Variants in LRP1B observed in about 807,000 individuals in gnomAD.
The protein encoded by LRP1B is LDL receptor related protein 1B, also known as low-density lipoprotein receptor-related protein 1B.
In LRP1B, 217 loss-of-function variants were observed where a neutral mutation model predicts 556.6. The observed-to-expected ratio is 0.39, with a 90% CI of 0.35 to 0.44. The LOEUF (loss-of-function observed/expected upper bound fraction) is 0.44. LRP1B is among the 20% of genes least tolerant of loss of function. LRP1B has a pLI of 1.00. For missense variants in LRP1B, 5,053 were observed against 5,620.8 expected (o/e 0.90, Z 3.23); for synonymous variants, 2,047 against 1,865.8 (o/e 1.10, Z -2.50).
chr2:141,962,128 A>G (rs1701418888), intron 1 of LRP1B, among the ~76,000 whole-genome samples: 1 of 151,746 alleles, frequency 6.6e-6, no homozygotes, highest in African/African-American at 2.4e-5. Context: ...CATATGGTTC[A>G]GCCTAATTGT....
At chr2:141,329,655 A>AAAACAAAACAAAAC (rs769816988) in intron 3 of LRP1B, among the ~76,000 whole-genome samples, 62,080 of 137,826 alleles carry the variant, frequency 0.45, 15,145 homozygotes, top group Non-Finnish European at 0.54. Flanking sequence ...AAAAAAAAAA[A>AAAACAAAACAAAAC]AAAAAAAAAA....
At chr2:141,143,020 C>A (rs540923299) in intron 7 of LRP1B, among the ~76,000 whole-genome samples, 1 of 148,924 alleles carries the variant, frequency 6.7e-6, no homozygotes, top group East Asian at 2.0e-4. Context: ...CCTCCGCCTT[C>A]CAGGTTCAAA....
chr2:141,113,661 T>C (rs1353843553), intron 7 of LRP1B, among the ~76,000 whole-genome samples: 1 of 152,126 alleles, frequency 6.6e-6, no homozygotes, highest in African/African-American at 2.4e-5. Flanking sequence ...CTAAAATGTA[T>C]GGAAAGATGG....
rs778792014 is a variant in LRP1B, at chr2:141,247,372, C to T, written c.464-18G>A. ...ATCTTGATCTAAAAAGGAAAATTGG[C>T]ATCATTTCTAAGCAGCTTTATCTTG... On this transcript the variant is annotated intron_variant, in intron 4 of 90. Transcript: ENST00000389484. 1.9e-6 allele frequency: 3 copies of T among 1,612,302 alleles called. No homozygotes were observed. Among genetic ancestry groups the T allele is most frequent in the South Asian group, 1.1e-5 (1 of 90,958 alleles).
At chr2:141,938,372 T>C (rs984969733) in intron 1 of LRP1B, among the ~76,000 whole-genome samples, 4 of 152,078 alleles carry the variant, frequency 2.6e-5, no homozygotes, top group Non-Finnish European at 5.9e-5. Flanking sequence ...TCACTAACCA[T>C]CAGAGAAATG....
chr2:141,266,773 A>C (rs1001965848), intron 3 of LRP1B, among the ~76,000 whole-genome samples: 2 of 152,224 alleles, frequency 1.3e-5, no homozygotes, highest in African/African-American at 4.8e-5. Flanking sequence ...GATAATTAAA[A>C]TATAGCTACA....
chr2:141,032,820 T>G (rs2105417322), intron 11 of LRP1B, among the ~76,000 whole-genome samples: 1 of 144,648 alleles, frequency 6.9e-6, no homozygotes, highest in East Asian at 2.1e-4. Flanking sequence ...TGTATATATA[T>G]ACATACATAT....
intron 84 of LRP1B, among the ~76,000 whole-genome samples, chr2:140,275,600 G>T (rs1473990420): frequency 6.6e-6 from 1 of 151,962 alleles, no homozygotes; most frequent in African/African-American, 2.4e-5. Flanking sequence ...GCCTGAGCAG[G>T]TGAGCAAACA....
chr2:140,826,914 A>G lies in LRP1B; in HGVS notation c.5209+13077T>C, dbSNP rs1396421933. On this transcript the variant is annotated intron_variant, in intron 31 of 90. Coordinates refer to ENST00000389484, the MANE Select transcript of LRP1B (RefSeq NM_018557.3). ...ATAAAAGTAGCTATTTAGCAGCAAC[A>G]CACCATAGGAGGCAATCTCAATGAG... Among the ~76,000 whole-genome samples, 3 of 152,144 alleles carry G rather than the reference A, an allele frequency of 2.0e-5. No homozygotes were observed. The South Asian group carries it at 6.2e-4, about 32-fold the overall frequency.
chr2:141,832,260 A>G (rs963756898), intron 1 of LRP1B, among the ~76,000 whole-genome samples: 5 of 151,320 alleles, frequency 3.3e-5, no homozygotes, highest in African/African-American at 1.2e-4. Flanking sequence ...AATCAAATTC[A>G]GACATTAGAA....
intron 35 of LRP1B, among the ~76,000 whole-genome samples, chr2:140,739,782 C>A (rs933570349): frequency 2.6e-5 from 4 of 152,046 alleles, no homozygotes; most frequent in African/African-American, 9.7e-5. Context: ...ATACATCTGA[C>A]AAAGGACTGA....
chr2:140,574,617 A>C (rs1681448553), intron 43 of LRP1B, among the ~76,000 whole-genome samples: 1 of 152,224 alleles, frequency 6.6e-6, no homozygotes, highest in African/African-American at 2.4e-5. Flanking sequence ...TTGAATCATT[A>C]AGCATTACAA....
Position 141,870,197 on chromosome 2 carries a change from G to A in LRP1B, c.83-59796C>T, listed in dbSNP as rs1010640749. ...TTAAGTTATTAGTCCTCTTCCCTCA[G>A]ACTCAGTCTCTCTGTCTTGTTACTT... On this transcript the variant is annotated intron_variant, in intron 1 of 90. Transcript: ENST00000389484. 5.9e-5 allele frequency among the ~76,000 whole-genome samples: 9 copies of A among 151,966 alleles called. No homozygotes were observed. The South Asian group carries it at 1.9e-3, about 32-fold the overall frequency.
intron 1 of LRP1B, among the ~76,000 whole-genome samples, chr2:141,917,875 GAAT>G (rs1700080840): frequency 6.6e-6 from 1 of 152,088 alleles, no homozygotes; most frequent in Non-Finnish European, 1.5e-5. Flanking sequence ...GTCTTTAGTA[GAAT>G]AATGTTTATT....
At chr2:140,577,558 A>G (rs905019559) in intron 43 of LRP1B, among the ~76,000 whole-genome samples, 1 of 151,900 alleles carries the variant, frequency 6.6e-6, no homozygotes, top group African/African-American at 2.4e-5. Flanking sequence ...CTGGGCTTAC[A>G]GGTACGTGCC....
At chr2:141,958,478 G>T (rs1701322364) in intron 1 of LRP1B, among the ~76,000 whole-genome samples, 1 of 151,926 alleles carries the variant, frequency 6.6e-6, no homozygotes, top group Non-Finnish European at 1.5e-5. Flanking sequence ...TTCTCTTAAA[G>T]GGATTGTTTA....
chr2:141,847,330 A>G (rs968819585), intron 1 of LRP1B, among the ~76,000 whole-genome samples: 18 of 151,676 alleles, frequency 1.2e-4, no homozygotes, highest in Admixed American at 1.2e-3. Flanking sequence ...TACATTGTTC[A>G]TGGATGATAT....
At chr2:140,520,393 G>A (rs1364358216) in intron 49 of LRP1B, among the ~76,000 whole-genome samples, 1 of 152,060 alleles carries the variant, frequency 6.6e-6, no homozygotes, top group Admixed American at 6.6e-5. Context: ...CTCATAGGTG[G>A]AAATTGAACA....
intron 1 of LRP1B, among the ~76,000 whole-genome samples, chr2:142,048,656 T>C (rs965726990): frequency 6.6e-6 from 1 of 152,060 alleles, no homozygotes; most frequent in Non-Finnish European, 1.5e-5. Flanking sequence ...GTAGTGTATG[T>C]AAAAATTGCA....
Sources: gnomAD v4.1 joint callset for allele counts (sites outside exome capture counted in the v4.1 genomes callset) on GRCh38, gnomAD v4.1.1 for gene constraint, MANE v1.5 for transcripts, NCBI Gene and HGNC (gene_info 2026-07-23, HGNC 2026-07-21) for gene names.